SNX14: variants seen among roughly 807,000 people sequenced by gnomAD.
SNX14 encodes sorting nexin-14.
SNX14 carries 93 observed loss-of-function variants against 133.8 expected under a neutral mutation model. The observed-to-expected ratio is 0.70, with a 90% CI of 0.59 to 0.83. The LOEUF is 0.83. SNX14 is among the 40% of genes least tolerant of loss of function. SNX14 has a pLI of 0.00. For synonymous variants in SNX14, 368 were observed against 365.6 expected (o/e 1.01, Z -0.07); for missense variants, 945 against 1,094.9 (o/e 0.86, Z 1.93).
Position 85,520,255 on chromosome 6 carries a change from C to G in SNX14, c.2108-2207G>C, listed in dbSNP as rs549896759. Among the ~76,000 whole-genome samples the G allele has an allele frequency of 3.0e-4, 46 of 151,792 alleles. 1 individual carries two copies. In the Middle Eastern group the frequency reaches 0.01, roughly 34 times the overall value. On this transcript the variant is annotated intron_variant, in intron 21 of 28. Coordinates refer to ENST00000314673, the MANE Select transcript of SNX14 (RefSeq NM_153816.6). Reference sequence around the variant, plus strand: ...ACAAGGATTCACCATGTTGGCCAGGCTGGTCTTGAACTCCTGACCTCAAGT... The same window carrying G: ...ACAAGGATTCACCATGTTGGCCAGGGTGGTCTTGAACTCCTGACCTCAAGT...
chr6:85,586,557 T>C (rs1418528865), intron 1 of SNX14, among the ~76,000 whole-genome samples: 1 of 152,078 alleles, frequency 6.6e-6, no homozygotes, highest in Non-Finnish European at 1.5e-5. Flanking sequence ...AATATTATAG[T>C]TTTGTATGGA....
intron 1 of SNX14, among the ~76,000 whole-genome samples, chr6:85,579,095 G>A (rs900711717): frequency 2.0e-5 from 3 of 151,778 alleles, no homozygotes; most frequent in South Asian, 4.2e-4. Flanking sequence ...CCGAGATCAC[G>A]CCACTATACT....
chr6:85,523,709 G>A (rs910817996), intron 21 of SNX14, among the ~76,000 whole-genome samples: 1 of 152,096 alleles, frequency 6.6e-6, no homozygotes, highest in Non-Finnish European at 1.5e-5. Flanking sequence ...AAGTTGCAGT[G>A]AGCTGAGATC....
chr6:85,530,524 AGTC>A (rs1419687902), intron 18 of SNX14, among the ~76,000 whole-genome samples: 1 of 152,028 alleles, frequency 6.6e-6, no homozygotes, highest in Non-Finnish European at 1.5e-5. Context: ...AGGCACCTGT[AGTC>A]CCAGCTACTC....
rs61745951 is a variant in SNX14 at position 85,505,953 on chromosome 6, C to T, written c.*14G>A. 27 of 1,593,742 alleles carry T rather than the reference C, an allele frequency of 1.7e-5. No individual in the cohort carries two copies. Among genetic ancestry groups the T allele is most frequent in the Non-Finnish European group, 2.3e-5 (27 of 1,162,216 alleles). The stretch of plus-strand genomic sequence containing the variant: ...AGAAATTTCAATGGGTTATTCTATA[C>T]CAAATCCAAGTGTTTACATCCAAGA... On this transcript the variant is annotated 3_prime_UTR_variant, in exon 29 of 29. Transcript: ENST00000314673.
intron 15 of SNX14, among the ~76,000 whole-genome samples, chr6:85,541,078 C>A (rs921859131): frequency 5.9e-5 from 9 of 151,552 alleles, no homozygotes; most frequent in Non-Finnish European, 1.2e-4. Context: ...ATTGCAACCT[C>A]CACCTCCTGG....
At chr6:85,540,791 A>G (rs182525436) in intron 15 of SNX14, among the ~76,000 whole-genome samples, 18 of 152,280 alleles carry the variant, frequency 1.2e-4, no homozygotes, top group African/African-American at 4.3e-4. Flanking sequence ...ACATTGCCCC[A>G]TTTCTTGACT....
chr6:85,547,054 T>C, intron 12 of SNX14, 58 bp downstream of exon 12: 2 of 1,242,846 alleles, frequency 1.6e-6, no homozygotes, highest in Non-Finnish European at 2.3e-6. Flanking sequence ...ATTTAAAATA[T>C]TCAAATACAT....
chr6:85,538,646 T>C (rs1782671680), intron 16 of SNX14, among the ~76,000 whole-genome samples, 192 bp downstream of exon 16: 1 of 152,170 alleles, frequency 6.6e-6, no homozygotes, highest in Non-Finnish European at 1.5e-5. Context: ...TGGCATATCA[T>C]GCTATTTCAA....
chr6:85,534,769 T>C (rs1019826981), intron 17 of SNX14, among the ~76,000 whole-genome samples: 1 of 150,630 alleles, frequency 6.6e-6, no homozygotes, highest in Non-Finnish European at 1.5e-5. Context: ...TGTTATAATA[T>C]CGAATAGAGA....
At chr6:85,583,082 G>A (rs1385356647) in intron 1 of SNX14, among the ~76,000 whole-genome samples, 4 of 152,050 alleles carry the variant, frequency 2.6e-5, no homozygotes, top group African/African-American at 9.7e-5. Context: ...CTTCATCCCT[G>A]GAATGCAAGG....
At chr6:85,579,310 C>CA in intron 1 of SNX14, among the ~76,000 whole-genome samples, 1 of 151,760 alleles carries the variant, frequency 6.6e-6, no homozygotes, top group Admixed American at 6.6e-5. Context: ...AAGCAAAAAG[C>CA]AAAAAAAGTA....
chr6:85,507,034 A>G (rs1030239258), intron 28 of SNX14, among the ~76,000 whole-genome samples, 199 bp downstream of exon 28: 4 of 152,186 alleles, frequency 2.6e-5, no homozygotes, highest in East Asian at 1.9e-4. Context: ...GTCAAAGCAG[A>G]AGCTATTCAA....
chr6:85,580,651 A>G (rs1798759042), intron 1 of SNX14, among the ~76,000 whole-genome samples: 1 of 152,152 alleles, frequency 6.6e-6, no homozygotes, highest in Non-Finnish European at 1.5e-5. Context: ...ATTCACCACA[A>G]GCTGACTAAG....
Position 85,588,739 on chromosome 6 carries a change from A to C in SNX14, c.140+4840T>G, listed in dbSNP as rs1294334196. 4 of 335,824 alleles carry C rather than the reference A, an allele frequency of 1.2e-5. No individual in the cohort carries two copies. The East Asian group carries it at 3.0e-4, about 25-fold the overall frequency. 20.8% of individuals were successfully genotyped at this position (335,824 alleles called of 1,614,324 possible). A position where few individuals can be genotyped will look rare whatever the true frequency, so the allele number is the denominator to read the frequency against. ...TTACTGTTGACCAAAAGCCTTACCA[A>C]TACAGTAATAGTTGGTTAGTACTTA... On this transcript the variant is annotated intron_variant, in intron 1 of 28. Coordinates refer to ENST00000314673, the MANE Select transcript of SNX14 (RefSeq NM_153816.6).
chr6:85,587,118 G>T (rs1166577793), intron 1 of SNX14, among the ~76,000 whole-genome samples: 2 of 151,176 alleles, frequency 1.3e-5, no homozygotes, highest in Non-Finnish European at 3.0e-5. Context: ...GGCCTCAAGT[G>T]ATCCTCCCAC....
At chr6:85,528,689 C>T (rs1341918156) in intron 19 of SNX14, among the ~76,000 whole-genome samples, 1 of 152,018 alleles carries the variant, frequency 6.6e-6, no homozygotes, top group Admixed American at 6.6e-5. Context: ...CTAGACAAAA[C>T]CTTACTAAAG....
intron 1 of SNX14, among the ~76,000 whole-genome samples, chr6:85,592,920 A>C (rs1054630393): frequency 6.6e-6 from 1 of 152,084 alleles, no homozygotes; most frequent in Non-Finnish European, 1.5e-5. Context: ...AGGCTGAGGC[A>C]GGAGAATGGC....
chr6:85,548,631 A>G (rs1786634133), intron 8 of SNX14, among the ~76,000 whole-genome samples: 1 of 152,160 alleles, frequency 6.6e-6, no homozygotes, highest in African/African-American at 2.4e-5. Flanking sequence ...TTAAGAGAAG[A>G]AAAAGTATTC....
Sources: allele counts gnomAD v4.1 joint callset (sites outside exome capture counted in the v4.1 genomes callset), GRCh38; gene constraint gnomAD v4.1.1; transcripts MANE v1.5; gene names NCBI Gene and HGNC (gene_info 2026-07-23, HGNC 2026-07-21).